Variants in SDF2 observed in about 807,000 individuals in gnomAD.
The protein encoded by SDF2 is stromal cell-derived factor 2.
In SDF2, 12 loss-of-function variants were observed where a neutral mutation model predicts 20.5. That is an observed-to-expected ratio of 0.58 (90% confidence interval 0.37 to 0.95). The LOEUF (loss-of-function observed/expected upper bound fraction) is 0.95. Among genes scored for constraint, SDF2 ranks in the 40% least tolerant of loss-of-function variants. The probability of loss-of-function intolerance (pLI) is 0.01; values close to 1 mark genes in which losing one functional copy is unlikely to be tolerated. For missense variants in SDF2, 238 were observed against 263.1 expected (o/e 0.90, Z 0.66); for synonymous variants, 100 against 101.0 (o/e 0.99, Z 0.06).
At chr17:28,657,379 T>G (rs2071973180) in intron 1 of SDF2, among the ~76,000 whole-genome samples, 1 of 151,446 alleles carries the variant, frequency 6.6e-6, no homozygotes, top group Non-Finnish European at 1.5e-5. Flanking sequence ...AAATGCAGTC[T>G]CTAAACGTAC....
At chr17:28,660,627 A>G (rs1029426348) in intron 1 of SDF2, 3 of 152,452 alleles carry the variant, frequency 2.0e-5, no homozygotes, top group African/African-American at 4.8e-5. Context: ...AAAACAAAGT[A>G]AAAAATAAGC....
Position 28,661,773 on chromosome 17 carries a change from G to A in SDF2, c.104C>T (p.Thr35Met). Reference protein sequence around the residue: ...TCGSVVKLLNTRHNVRLHSHD... With the variant: ...TCGSVVKLLNMRHNVRLHSHD... ...TGAGTGCAGTCGGACGTTGTGGCGC[G>A]TATTGAGTAGCTTCACCACGGAGCC... Residue 35 changes from threonine to methionine, a missense_variant, in exon 1 of 3, where the codon ACG becomes ATG. Transcript: ENST00000247020. 1 of 1,614,072 alleles carries A rather than the reference G, an allele frequency of 6.2e-7. No individual in the cohort carries two copies. The highest frequency in any genetic ancestry group is 1.1e-5 in the South Asian group (1 of 91,076).
In SDF2 at chr17:28,648,930, G is replaced by T; in HGVS notation, c.*59C>A. On this transcript the variant is annotated 3_prime_UTR_variant, in exon 3 of 3. Coordinates refer to ENST00000247020, the MANE Select transcript of SDF2 (RefSeq NM_006923.4). ...GAACTTGTGGCAGGGATCCCAAGGT[G>T]AGGCAGCAACAGATGTCTGTGAACA... The T allele has an allele frequency of 6.4e-7, 1 of 1,558,784 alleles. No homozygotes were observed. The highest frequency in any genetic ancestry group is 2.3e-5 in the East Asian group (1 of 44,372).
rs1286908396 is a variant in SDF2, at chr17:28,648,907, ACTT to A, written c.*79_*81del. 1 of 1,409,146 alleles carries A rather than the reference ACTT, an allele frequency of 7.1e-7. No individual in the cohort carries two copies. Among genetic ancestry groups the A allele is most frequent in the East Asian group, 2.3e-5 (1 of 43,750 alleles). The allele number at this position is 1,409,146 out of a possible 1,614,324, so 87.3% of individuals were successfully genotyped here. The stretch of plus-strand genomic sequence containing the variant: ...TGGTGACATGGCCACTGCCCAAGGA[ACTT>A]GTGGCAGGGATCCCAAGGTGAGGCA... On this transcript the variant is annotated 3_prime_UTR_variant, in exon 3 of 3. Transcript: ENST00000247020.
In SDF2 at chr17:28,648,959, T is replaced by C. The variant is rs751768226; in HGVS notation, c.*30A>G. ...CAGCAACAGATGTCTGTGAACATTG[T>C]GCGTTAACAGTGGCTCAGAGCCTCT... On this transcript the variant is annotated 3_prime_UTR_variant, in exon 3 of 3. Coordinates refer to ENST00000247020, the MANE Select transcript of SDF2 (RefSeq NM_006923.4). The C allele has an allele frequency of 1.2e-6, 2 of 1,606,718 alleles. No individual in the cohort carries two copies. The highest frequency in any genetic ancestry group is 1.7e-6 in the Non-Finnish European group (2 of 1,175,064).
intron 1 of SDF2, among the ~76,000 whole-genome samples, chr17:28,660,271 G>A (rs1241656507): frequency 1.3e-5 from 2 of 152,200 alleles, no homozygotes; most frequent in Non-Finnish European, 1.5e-5. Flanking sequence ...GACGGAGAGG[G>A]CTACCTGTAG....
rs183843569 is a variant in SDF2 at position 28,655,579 on chromosome 17, G to A, written c.152-96C>T. The A allele has an allele frequency of 1.7e-5, 18 of 1,039,742 alleles. No individual in the cohort carries two copies. The African/African-American group carries it at 2.7e-4, about 16-fold the overall frequency. 64.4% of individuals were successfully genotyped at this position (1,039,742 alleles called of 1,614,324 possible). A position where few individuals can be genotyped will look rare whatever the true frequency, so the allele number is the denominator to read the frequency against. ...GTGCGCTCAAGATTCACCTTCACCT[G>A]TAACCCACCACCATGACCAAGGAAG... On this transcript the variant is annotated intron_variant, in intron 1 of 2. Coordinates refer to ENST00000247020, the MANE Select transcript of SDF2 (RefSeq NM_006923.4).
At chr17:28,650,124 G>C (rs1171115192) in intron 2 of SDF2, among the ~76,000 whole-genome samples, 2 of 151,838 alleles carry the variant, frequency 1.3e-5, no homozygotes, top group African/African-American at 2.4e-5. Flanking sequence ...GGCTAATTTT[G>C]TATTTTTAGT....
At chr17:28,661,669 C>T (rs747292646) in intron 1 of SDF2, 57 bp downstream of exon 1, 1 of 1,567,634 alleles carries the variant, frequency 6.4e-7, no homozygotes, top group Non-Finnish European at 8.7e-7. Flanking sequence ...ATAGGCCCCG[C>T]CCCTCCAGAG....
Position 28,661,735 on chromosome 17 carries a change from A to AGGTAAT in SDF2, c.141_142insATTACC (p.Arg47_Tyr48insIleThr). 1 of 1,613,636 alleles carries AGGTAAT rather than the reference A, an allele frequency of 6.2e-7. No individual in the cohort carries two copies. Among genetic ancestry groups the AGGTAAT allele is most frequent in the Non-Finnish European group, 8.5e-7 (1 of 1,179,702 alleles). ...CGGTCCCCAGCATTACCTGACCCAT[A>AGGTAAT]GCGCACGTCGTGTGAGTGCAGTCGG... On this transcript the variant is annotated inframe_insertion, in exon 1 of 3. Coordinates refer to ENST00000247020, the MANE Select transcript of SDF2 (RefSeq NM_006923.4).
Position 28,648,830 on chromosome 17 carries a change from G to T in SDF2, c.*159C>A. ...AGAGTGACTAGTTCAAATGTGCAGGGCTGAAGCTTCCAAACACAGCCACTA... is the reference window on the plus strand; with the variant it reads ...AGAGTGACTAGTTCAAATGTGCAGGTCTGAAGCTTCCAAACACAGCCACTA... On this transcript the variant is annotated 3_prime_UTR_variant, in exon 3 of 3. Coordinates refer to ENST00000247020, the MANE Select transcript of SDF2 (RefSeq NM_006923.4). The T allele has an allele frequency of 2.8e-6, 2 of 717,974 alleles. No homozygotes were observed. Among genetic ancestry groups the T allele is most frequent in the East Asian group, 2.7e-5 (1 of 37,318 alleles). 44.5% of individuals were successfully genotyped at this position (717,974 alleles called of 1,614,324 possible). A position where few individuals can be genotyped will look rare whatever the true frequency, so the allele number is the denominator to read the frequency against.
At chr17:28,657,480 C>G (rs1389631887) in intron 1 of SDF2, among the ~76,000 whole-genome samples, 3 of 152,058 alleles carry the variant, frequency 2.0e-5, no homozygotes, top group Non-Finnish European at 4.4e-5. Context: ...TCGCCACAGC[C>G]TTGACCTCCC....
rs149799596 is a variant in SDF2, at chr17:28,653,609, C to T, written c.348+1678G>A. ...TGGGTGGATCACAAGGTCAGGAGCT[C>T]GAGACCAACCTGGACAACATGGTGA... On this transcript the variant is annotated intron_variant, in intron 2 of 2. Coordinates refer to ENST00000247020, the MANE Select transcript of SDF2 (RefSeq NM_006923.4). 1.5e-3 allele frequency among the ~76,000 whole-genome samples: 234 copies of T among 152,236 alleles called. 1 individual carries two copies. The highest frequency in any genetic ancestry group is 5.4e-3 in the African/African-American group (223 of 41,542).
chr17:28,657,221 T>C (rs1567677604), intron 1 of SDF2, among the ~76,000 whole-genome samples: 1 of 152,088 alleles, frequency 6.6e-6, no homozygotes, highest in Non-Finnish European at 1.5e-5. Context: ...GGCAAGACTC[T>C]GTCTCAAAAC....
chr17:28,651,734 C>G (rs1173327768), intron 2 of SDF2, among the ~76,000 whole-genome samples: 2 of 152,140 alleles, frequency 1.3e-5, no homozygotes, highest in Non-Finnish European at 2.9e-5. Context: ...GCCAAATATT[C>G]AGTTTCTATA....
chr17:28,660,874 TC>T (rs1471654564), intron 1 of SDF2: 1 of 166,222 alleles, frequency 6.0e-6, no homozygotes, highest in African/African-American at 2.4e-5. Flanking sequence ...TGACCTTCAT[TC>T]TTTTTTTTTA....
At chr17:28,661,155 G>A (rs2072033389) in intron 1 of SDF2, 1 of 453,132 alleles carries the variant, frequency 2.2e-6, no homozygotes, top group African/African-American at 2.0e-5. Context: ...ACAAGAAGGA[G>A]GTTAAGGTTT....
chr17:28,661,289 T>C lies in SDF2; in HGVS notation c.151+437A>G, dbSNP rs923543057. 1.2e-4 allele frequency: 47 copies of C among 392,078 alleles called. 2 individuals are homozygous for C. The highest frequency in any genetic ancestry group is 5.6e-4 in the South Asian group (31 of 55,382). The allele number at this position is 392,078 out of a possible 1,614,324, so 24.3% of individuals were successfully genotyped here. ...TTAAAGTTTCACAGACAGTACTTAC[T>C]GTAACTTTAAAATTTCAGACACAGC... is the stretch of plus-strand genomic sequence containing the variant. On this transcript the variant is annotated intron_variant, in intron 1 of 2. Transcript: ENST00000247020.
chr17:28,656,715 T>C lies in SDF2; in HGVS notation c.152-1232A>G, dbSNP rs1032052136. Reference sequence around the variant, plus strand: ...AAAGGATATCCAAGGCACAAATCTATGTGAGTTTTTTGAGGCACAGGCAGT... The same window carrying C: ...AAAGGATATCCAAGGCACAAATCTACGTGAGTTTTTTGAGGCACAGGCAGT... On this transcript the variant is annotated intron_variant, in intron 1 of 2. Transcript: ENST00000247020. 2.0e-5 allele frequency among the ~76,000 whole-genome samples: 3 copies of C among 152,254 alleles called. No homozygotes were observed. In the East Asian group the frequency reaches 5.8e-4, roughly 29 times the overall value.
Sources: allele counts gnomAD v4.1 joint callset (sites outside exome capture counted in the v4.1 genomes callset), GRCh38; gene constraint gnomAD v4.1.1; transcripts MANE v1.5; gene names NCBI Gene and HGNC (gene_info 2026-07-23, HGNC 2026-07-21).